Variants in PTPRG observed in about 807,000 individuals in gnomAD.
PTPRG encodes the protein receptor-type tyrosine-protein phosphatase gamma.
In PTPRG, 102 loss-of-function variants were observed where a neutral mutation model predicts 165.3. That is an observed-to-expected ratio of 0.62 (90% CI 0.53 to 0.73). PTPRG has a LOEUF of 0.73. PTPRG is among the 30% of genes least tolerant of loss of function. The pLI is 0.00. For missense variants in PTPRG, 1,866 were observed against 1,861.4 expected, an observed-to-expected ratio of 1.00 and a Z score of -0.05; for synonymous variants, 675 against 669.5, an observed-to-expected ratio of 1.01 and a Z score of -0.13.
rs187253213 is a variant in PTPRG at position 61,872,218 on chromosome 3, T to C, written c.191-117407T>C. Among the ~76,000 whole-genome samples, 5 of 152,316 alleles carry C rather than the reference T, an allele frequency of 3.3e-5. No individual in the cohort carries two copies. The East Asian group carries it at 9.6e-4, about 29-fold the overall frequency. On this transcript the variant is annotated intron_variant, in intron 2 of 29. Coordinates refer to ENST00000474889, the MANE Select transcript of PTPRG (RefSeq NM_002841.4). ...TACTGTTTGAAAGACAATAAGAATGTTGATTCTGGCCAGGTGCAGCGTTGG... is the reference window on the plus strand; with the variant it reads ...TACTGTTTGAAAGACAATAAGAATGCTGATTCTGGCCAGGTGCAGCGTTGG...
At chr3:62,223,444 A>G (rs1700693058) in intron 13 of PTPRG, among the ~76,000 whole-genome samples, 1 of 152,230 alleles carries the variant, frequency 6.6e-6, no homozygotes, top group South Asian at 2.1e-4. Flanking sequence ...TTACATATAC[A>G]TAAATAGCAT....
intron 2 of PTPRG, among the ~76,000 whole-genome samples, chr3:61,919,730 T>C (rs556876098): frequency 1.3e-5 from 2 of 152,326 alleles, no homozygotes; most frequent in Non-Finnish European, 2.9e-5. Context: ...GATTGATTTA[T>C]CTGTGGACCT....
intron 12 of PTPRG, among the ~76,000 whole-genome samples, chr3:62,211,619 C>T (rs186947096): frequency 2.7e-4 from 41 of 152,214 alleles, no homozygotes; most frequent in Admixed American, 5.2e-4. Flanking sequence ...ACGATGGAAA[C>T]AGGCTATAAA....
At chr3:61,862,369 T>A (rs1294688421) in intron 2 of PTPRG, among the ~76,000 whole-genome samples, 1 of 149,686 alleles carries the variant, frequency 6.7e-6, no homozygotes, top group Non-Finnish European at 1.5e-5. Context: ...CTAATGTAGG[T>A]ATTACTCAGA....
intron 4 of PTPRG, among the ~76,000 whole-genome samples, chr3:62,031,028 C>A (rs1374005948): frequency 6.6e-6 from 1 of 152,126 alleles, no homozygotes; most frequent in Non-Finnish European, 1.5e-5. Context: ...TCTAATAGAA[C>A]CTTTATGGCT....
chr3:62,043,883 A>G (rs1700204530), intron 4 of PTPRG, among the ~76,000 whole-genome samples: 1 of 152,222 alleles, frequency 6.6e-6, no homozygotes, highest in South Asian at 2.1e-4. Flanking sequence ...AATCCATTAG[A>G]AAACAGGACA....
At chr3:61,797,080 G>T (rs2035069717) in intron 2 of PTPRG, among the ~76,000 whole-genome samples, 2 of 152,186 alleles carry the variant, frequency 1.3e-5, no homozygotes, top group Non-Finnish European at 2.9e-5. Flanking sequence ...TTAGAGGCCA[G>T]CCGGCACAGA....
At chr3:61,902,070 G>A (rs1197610689) in intron 2 of PTPRG, among the ~76,000 whole-genome samples, 1 of 152,130 alleles carries the variant, frequency 6.6e-6, no homozygotes, top group Non-Finnish European at 1.5e-5. Flanking sequence ...AAAATAAAAC[G>A]TTAGGTATAC....
At chr3:61,653,258 G>A (rs1180620347) in intron 1 of PTPRG, among the ~76,000 whole-genome samples, 5 of 151,878 alleles carry the variant, frequency 3.3e-5, no homozygotes. Flanking sequence ...TGTGACTGAT[G>A]TTATGCAATC....
At chr3:62,048,612 C>T (rs1700370949) in intron 4 of PTPRG, among the ~76,000 whole-genome samples, 1 of 152,242 alleles carries the variant, frequency 6.6e-6, no homozygotes, top group South Asian at 2.1e-4. Flanking sequence ...CCTTTTTAAT[C>T]TATCTCCCAG....
At chr3:61,801,811 A>G (rs1005053550) in intron 2 of PTPRG, among the ~76,000 whole-genome samples, 1 of 152,176 alleles carries the variant, frequency 6.6e-6, no homozygotes, top group Admixed American at 6.5e-5. Context: ...GGATGCCAGG[A>G]GTTTGAGACC....
At chr3:61,745,451 A>C (rs2033162070) in intron 1 of PTPRG, among the ~76,000 whole-genome samples, 1 of 152,064 alleles carries the variant, frequency 6.6e-6, no homozygotes, top group African/African-American at 2.4e-5. Flanking sequence ...ATTTCCAGGG[A>C]GCTTAGAGCC....
intron 1 of PTPRG, among the ~76,000 whole-genome samples, chr3:61,712,979 G>A (rs2031636708): frequency 3.9e-5 from 6 of 152,056 alleles, no homozygotes; most frequent in Admixed American, 3.9e-4. Flanking sequence ...TTGTAGGCAT[G>A]GTATTAGTAA....
At chr3:62,028,239 C>T (rs1257494286) in intron 4 of PTPRG, among the ~76,000 whole-genome samples, 3 of 152,100 alleles carry the variant, frequency 2.0e-5, no homozygotes, top group African/African-American at 7.2e-5. Context: ...ATAAAGAGCT[C>T]TTCAAAATGA....
intron 1 of PTPRG, among the ~76,000 whole-genome samples, chr3:61,574,885 TC>T (rs1253882470): frequency 3.3e-5 from 5 of 151,974 alleles, no homozygotes; most frequent in Non-Finnish European, 7.4e-5. Context: ...AGGGAACTAA[TC>T]CATTCCCACG....
At chr3:61,778,592 C>G (rs1432134278) in intron 2 of PTPRG, among the ~76,000 whole-genome samples, 1 of 152,010 alleles carries the variant, frequency 6.6e-6, no homozygotes, top group East Asian at 1.9e-4. Context: ...TTCCCTGCCC[C>G]CAGACCCTAT....
rs200785244 is a variant in PTPRG, at chr3:61,840,776, T to G, written c.190+91794T>G. Among the ~76,000 whole-genome samples, 27 of 120,244 alleles carry G rather than the reference T, an allele frequency of 2.2e-4. No homozygotes were observed. In the East Asian group the frequency reaches 7.4e-3, roughly 33 times the overall value. The allele number at this position is 120,244 out of a possible 152,430, so 78.9% of individuals were successfully genotyped here. On this transcript the variant is annotated intron_variant, in intron 2 of 29. Coordinates refer to ENST00000474889, the MANE Select transcript of PTPRG (RefSeq NM_002841.4). ...AAATTTCAGATGGAGTTTTTTTTGT[T>G]TGTTTGTTTTTTTTTTTTTTTTTTT...
At chr3:62,028,141 G>A (rs1363952487) in intron 4 of PTPRG, among the ~76,000 whole-genome samples, 3 of 152,180 alleles carry the variant, frequency 2.0e-5, no homozygotes, top group Non-Finnish European at 4.4e-5. Context: ...TTGTTCTAAA[G>A]AGGAGAAAAG....
At chr3:62,012,933 C>T (rs2041462131) in intron 4 of PTPRG, among the ~76,000 whole-genome samples, 1 of 152,178 alleles carries the variant, frequency 6.6e-6, no homozygotes, top group Non-Finnish European at 1.5e-5. Flanking sequence ...TCTGGATTGA[C>T]CGCTTCAGTC....
Sources: allele counts gnomAD v4.1 joint callset (sites outside exome capture counted in the v4.1 genomes callset), GRCh38; gene constraint gnomAD v4.1.1; transcripts MANE v1.5; gene names NCBI Gene and HGNC (gene_info 2026-07-23, HGNC 2026-07-21).